Variants in SCAPER observed in about 807,000 individuals in gnomAD.
SCAPER encodes the protein S phase cyclin A-associated protein in the endoplasmic reticulum.
In SCAPER, 98 loss-of-function variants were observed where a neutral mutation model predicts 182.2. The ratio of observed to expected loss-of-function variants is 0.54; its 90% CI spans 0.46 to 0.64. SCAPER has a LOEUF of 0.64. Among genes scored for constraint, SCAPER ranks in the 30% least tolerant of loss-of-function variants. SCAPER has a pLI of 0.00. For missense variants in SCAPER, 1,432 were observed against 1,690.0 expected (o/e 0.85, Z 2.68); for synonymous variants, 605 against 564.6 (o/e 1.07, Z -1.01).
At chr15:76,545,319 G>A (rs552631833) in intron 23 of SCAPER, among the ~76,000 whole-genome samples, 1 of 152,160 alleles carries the variant, frequency 6.6e-6, no homozygotes, top group South Asian at 2.1e-4. Context: ...AATATCTCTG[G>A]CTCATCCTGA....
At chr15:76,718,827 G>T (rs999606839) in intron 17 of SCAPER, among the ~76,000 whole-genome samples, 2 of 152,038 alleles carry the variant, frequency 1.3e-5, no homozygotes, top group Non-Finnish European at 2.9e-5. Context: ...AATCATCAGA[G>T]AAATGAACAT....
intron 22 of SCAPER, among the ~76,000 whole-genome samples, chr15:76,578,622 C>T (rs6495206): frequency 0.47 from 72,081 of 152,198 alleles, 18,455 homozygotes; most frequent in Middle Eastern, 0.64. Flanking sequence ...AGTACCTCTA[C>T]GAGTCTATAA....
At chr15:76,785,222 G>A (rs565849488) in intron 8 of SCAPER, among the ~76,000 whole-genome samples, 1 of 152,286 alleles carries the variant, frequency 6.6e-6, no homozygotes, top group South Asian at 2.1e-4. Context: ...CAAAGGATAT[G>A]AACACAGACA....
At chr15:76,639,649 T>C (rs1288457892) in intron 21 of SCAPER, among the ~76,000 whole-genome samples, 1 of 152,044 alleles carries the variant, frequency 6.6e-6, no homozygotes, top group Non-Finnish European at 1.5e-5. Flanking sequence ...GATGGGATAG[T>C]AAAGATTATG....
intron 4 of SCAPER, among the ~76,000 whole-genome samples, chr15:76,856,486 AT>A (rs985909513): frequency 4.6e-5 from 7 of 150,878 alleles, no homozygotes; most frequent in Non-Finnish European, 5.9e-5. Flanking sequence ...ATAAGTATAT[AT>A]TTTTATATGT....
At chr15:76,703,883 G>A (rs189204964) in intron 18 of SCAPER, among the ~76,000 whole-genome samples, 34 of 152,202 alleles carry the variant, frequency 2.2e-4, no homozygotes, top group Non-Finnish European at 4.6e-4. Context: ...TTAAACGCAT[G>A]ATAGATTTCT....
chr15:76,711,497 A>C (rs2059561869), intron 17 of SCAPER, among the ~76,000 whole-genome samples: 1 of 152,200 alleles, frequency 6.6e-6, no homozygotes, highest in Non-Finnish European at 1.5e-5. Context: ...ACAAGAAAGA[A>C]CTTGTATATT....
At chr15:76,418,335 G>T (rs1169441066) in intron 26 of SCAPER, among the ~76,000 whole-genome samples, 2 of 152,164 alleles carry the variant, frequency 1.3e-5, no homozygotes, top group Non-Finnish European at 2.9e-5. Context: ...AAAGTAAGCT[G>T]GAGATTCCCA....
intron 21 of SCAPER, among the ~76,000 whole-genome samples, chr15:76,632,619 G>A (rs2053215871): frequency 6.6e-6 from 1 of 152,122 alleles, no homozygotes; most frequent in Non-Finnish European, 1.5e-5. Flanking sequence ...ATCCGTCTCA[G>A]CTTCAGCCCA....
chr15:76,847,377 C>CA (rs35155484), intron 4 of SCAPER, among the ~76,000 whole-genome samples: 39,040 of 149,704 alleles, frequency 0.26, 5,931 homozygotes, highest in East Asian at 0.56. Flanking sequence ...ATAAAAAATA[C>CA]AAAAAAAAAT....
intron 20 of SCAPER, among the ~76,000 whole-genome samples, chr15:76,666,075 T>C (rs1273016586): frequency 2.6e-5 from 4 of 152,134 alleles, no homozygotes; most frequent in African/African-American, 9.7e-5. Flanking sequence ...AGGTAAAATA[T>C]ATTCACAAAA....
At chr15:76,835,486 A>G (rs2068848625) in intron 5 of SCAPER, among the ~76,000 whole-genome samples, 1 of 152,204 alleles carries the variant, frequency 6.6e-6, no homozygotes, top group East Asian at 1.9e-4. Context: ...TTTCAATAAA[A>G]TTCAACATCA....
chr15:76,371,052 A>G (rs951350369), intron 29 of SCAPER, among the ~76,000 whole-genome samples: 2 of 152,246 alleles, frequency 1.3e-5, no homozygotes, highest in African/African-American at 4.8e-5. Flanking sequence ...ACGTAAGATG[A>G]AATGAAAAGT....
intron 1 of SCAPER, among the ~76,000 whole-genome samples, chr15:76,896,451 T>A (rs1414674451): frequency 6.6e-6 from 1 of 151,960 alleles, no homozygotes; most frequent in South Asian, 2.1e-4. Context: ...CTGAAAACCA[T>A]AAAACTGATG....
At chr15:76,359,413 G>A (rs1313430061) in intron 29 of SCAPER, among the ~76,000 whole-genome samples, 1 of 152,256 alleles carries the variant, frequency 6.6e-6, no homozygotes, top group Admixed American at 6.5e-5. Flanking sequence ...TGCAGTGGCA[G>A]AGTAGGAAAT....
At chr15:76,711,953 T>C (rs1367973532) in intron 17 of SCAPER, among the ~76,000 whole-genome samples, 1 of 152,202 alleles carries the variant, frequency 6.6e-6, no homozygotes, top group African/African-American at 2.4e-5. Context: ...TAGATCCCAT[T>C]TGTCAATTTT....
At chr15:76,633,498 C>T (rs971423128) in intron 21 of SCAPER, among the ~76,000 whole-genome samples, 1 of 152,172 alleles carries the variant, frequency 6.6e-6, no homozygotes, top group Non-Finnish European at 1.5e-5. Context: ...TCCGGGCTGC[C>T]CTGACTCACC....
intron 2 of SCAPER, among the ~76,000 whole-genome samples, chr15:76,878,370 T>C (rs1406257772): frequency 6.6e-6 from 1 of 152,128 alleles, no homozygotes; most frequent in Non-Finnish European, 1.5e-5. Flanking sequence ...TTTAAAATTA[T>C]AATGAAATTA....
At chr15:76,619,267 T>C (rs1234978672) in intron 22 of SCAPER, among the ~76,000 whole-genome samples, 1 of 152,224 alleles carries the variant, frequency 6.6e-6, no homozygotes, top group Non-Finnish European at 1.5e-5. Flanking sequence ...ATTTATCCTT[T>C]TTGTTGTGTG....
Sources: gnomAD v4.1 joint callset for allele counts (sites outside exome capture counted in the v4.1 genomes callset) on GRCh38, gnomAD v4.1.1 for gene constraint, MANE v1.5 for transcripts, NCBI Gene and HGNC (gene_info 2026-07-23, HGNC 2026-07-21) for gene names.